Variants in B3GAT2 observed in about 807,000 individuals in gnomAD.
The protein encoded by B3GAT2 is beta-1,3-glucuronyltransferase 2, also known as galactosylgalactosylxylosylprotein 3-beta-glucuronosyltransferase 2.
A neutral mutation model predicts 27.8 loss-of-function variants in B3GAT2; 26 were observed. The ratio of observed to expected loss-of-function variants is 0.93; its 90% CI spans 0.68 to 1.30. The LOEUF (loss-of-function observed/expected upper bound fraction) is 1.30. Ranked by LOEUF, B3GAT2 falls within the 50% of genes most tolerant of loss-of-function variation. The pLI, the probability that B3GAT2 is intolerant of heterozygous loss-of-function variation, is 0.00. For synonymous variants in B3GAT2, 218 were observed against 195.1 expected, an observed-to-expected ratio of 1.12 and a Z score of -0.98; for missense variants, 458 against 459.0, an observed-to-expected ratio of 1.00 and a Z score of 0.02.
rs1771512669 is a variant in B3GAT2 at position 70,858,074 on chromosome 6, A to C, written c.*3589T>G. 1.2e-6 allele frequency: 2 copies of C among 1,613,982 alleles called. No individual in the cohort carries two copies. Among genetic ancestry groups the C allele is most frequent in the African/African-American group, 2.7e-5 (2 of 74,910 alleles). On this transcript the variant is annotated 3_prime_UTR_variant, in exon 4 of 4. Transcript: ENST00000230053. The stretch of plus-strand genomic sequence containing the variant: ...TCCAAGCATGATGGTGGGCATGCCC[A>C]TGCCCAATGGGTTTATGGGAAATGC...
intron 2 of B3GAT2, among the ~76,000 whole-genome samples, chr6:70,868,815 A>T (rs1247018588): frequency 6.6e-6 from 1 of 152,186 alleles, no homozygotes; most frequent in African/African-American, 2.4e-5. Flanking sequence ...TGGAGAAAGA[A>T]AGATATGTGT....
At position 70,858,293 on chromosome 6, in the gene B3GAT2, T is replaced by G. The variant is rs1333980847; in HGVS notation, c.*3370A>C. 8.7e-7 allele frequency: 1 copy of G among 1,152,416 alleles called. No individual in the cohort carries two copies. The highest frequency in any genetic ancestry group is 2.7e-5 in the East Asian group (1 of 37,198). 71.4% of individuals were successfully genotyped at this position (1,152,416 alleles called of 1,614,324 possible). A position where few individuals can be genotyped will look rare whatever the true frequency, so the allele number is the denominator to read the frequency against. On this transcript the variant is annotated 3_prime_UTR_variant, in exon 4 of 4. Coordinates refer to ENST00000230053, the MANE Select transcript of B3GAT2 (RefSeq NM_080742.3). ...CCAGATTTATTTTCTAAATCTTTTT[T>G]TTTTTTTTTTTTTTTTTTTTTTAAG...
At chr6:70,939,455 T>C (rs1488096468) in intron 1 of B3GAT2, among the ~76,000 whole-genome samples, 1 of 151,104 alleles carries the variant, frequency 6.6e-6, no homozygotes, top group Non-Finnish European at 1.5e-5. Context: ...CATGTATGTT[T>C]ATTGCAGCAC....
chr6:70,948,204 C>A (rs1390994522), intron 1 of B3GAT2, among the ~76,000 whole-genome samples: 1 of 145,062 alleles, frequency 6.9e-6, no homozygotes, highest in Non-Finnish European at 1.5e-5. Context: ...CACCCCTATT[C>A]AACATAGTGT....
chr6:70,894,080 C>A, intron 2 of B3GAT2, 48 bp downstream of exon 2: 1 of 1,511,456 alleles, frequency 6.6e-7, no homozygotes, highest in South Asian at 1.4e-5. Context: ...TAAACAAGAG[C>A]ATAAGAACAG....
intron 1 of B3GAT2, among the ~76,000 whole-genome samples, chr6:70,917,606 T>C (rs1211653258): frequency 1.3e-5 from 2 of 152,234 alleles, no homozygotes; most frequent in Admixed American, 6.5e-5. Context: ...ATCTTTGTTC[T>C]TATTGGCTTC....
At chr6:70,931,156 G>A (rs562232458) in intron 1 of B3GAT2, among the ~76,000 whole-genome samples, 5 of 152,082 alleles carry the variant, frequency 3.3e-5, no homozygotes, top group Admixed American at 2.0e-4. Flanking sequence ...GACACATGGT[G>A]GGGAACATCA....
rs552767145 is a variant in B3GAT2 at position 70,877,523 on chromosome 6, G to T, written c.737-15545C>A. Among the ~76,000 whole-genome samples the T allele has an allele frequency of 3.1e-4, 47 of 152,230 alleles. No homozygotes were observed. The South Asian group carries it at 6.0e-3, about 19-fold the overall frequency. On this transcript the variant is annotated intron_variant, in intron 2 of 3. Coordinates refer to ENST00000230053, the MANE Select transcript of B3GAT2 (RefSeq NM_080742.3). ...AACCTGTACGCTCTCCTCTGTACAGGTTTTTCTCCTTCTCACTCCTTCAAA... is the reference window on the plus strand; with the variant it reads ...AACCTGTACGCTCTCCTCTGTACAGTTTTTTCTCCTTCTCACTCCTTCAAA...
Position 70,930,882 on chromosome 6 carries a change from C to T in B3GAT2, c.591+24957G>A, listed in dbSNP as rs111361239. On this transcript the variant is annotated intron_variant, in intron 1 of 3. Transcript: ENST00000230053. ...TCATGCTATTATAAAGACACATGCA[C>T]ACGTATGTTTATTGCGGCACTATTC... 9.3e-3 allele frequency among the ~76,000 whole-genome samples: 1,415 copies of T among 152,294 alleles called. 11 individuals carry two copies. Among genetic ancestry groups the T allele is most frequent in the Middle Eastern group, 0.048 (14 of 294 alleles).
chr6:70,909,923 G>C (rs1162644930), intron 1 of B3GAT2, among the ~76,000 whole-genome samples: 1 of 152,036 alleles, frequency 6.6e-6, no homozygotes, highest in Admixed American at 6.6e-5. Flanking sequence ...GCCCAGGCTG[G>C]AGTGCAGTGG....
At chr6:70,895,108 C>T (rs907642450) in intron 1 of B3GAT2, among the ~76,000 whole-genome samples, 5 of 152,166 alleles carry the variant, frequency 3.3e-5, no homozygotes, top group African/African-American at 9.7e-5. Flanking sequence ...GCAGACACAC[C>T]CCATGCTGGA....
At chr6:70,881,145 C>A (rs1055643688) in intron 2 of B3GAT2, among the ~76,000 whole-genome samples, 4 of 152,166 alleles carry the variant, frequency 2.6e-5, no homozygotes, top group Non-Finnish European at 5.9e-5. Context: ...CACTCCTCTG[C>A]ATTGCAACCC....
In B3GAT2 at chr6:70,925,226, G is replaced by A. The variant is rs73491677; in HGVS notation, c.591+30613C>T. Among the ~76,000 whole-genome samples, 928 of 152,362 alleles carry A rather than the reference G, an allele frequency of 6.1e-3. 18 individuals are homozygous for A. In the East Asian group the frequency reaches 0.085, roughly 14 times the overall value. On this transcript the variant is annotated intron_variant, in intron 1 of 3. Coordinates refer to ENST00000230053, the MANE Select transcript of B3GAT2 (RefSeq NM_080742.3). ...GCTCTAGTCTACAGCTCATGCATCTGCGTGAGTGACGCAGAAGACAGGAGA... is the reference window on the plus strand; with the variant it reads ...GCTCTAGTCTACAGCTCATGCATCTACGTGAGTGACGCAGAAGACAGGAGA...
chr6:70,937,635 G>A (rs1191876988), intron 1 of B3GAT2, among the ~76,000 whole-genome samples: 1 of 151,548 alleles, frequency 6.6e-6, no homozygotes, highest in African/African-American at 2.4e-5. Context: ...CATATAAACA[G>A]AACCAAAGAC....
In B3GAT2 at chr6:70,956,641, G is replaced by A. The variant is rs527470688; in HGVS notation, c.-212C>T. The stretch of plus-strand genomic sequence containing the variant: ...TTCGCGCAAGCTAGAGCGACAAGGG[G>A]TGCAGGCGGGCGGGCAGGGGCTGCC... On this transcript the variant is annotated 5_prime_UTR_variant, in exon 1 of 4. Transcript: ENST00000230053. 496 of 1,416,584 alleles carry A rather than the reference G, an allele frequency of 3.5e-4. No individual in the cohort carries two copies. The highest frequency in any genetic ancestry group is 4.1e-4 in the Non-Finnish European group (449 of 1,091,166). The allele number at this position is 1,416,584 out of a possible 1,614,324, so 87.8% of individuals were successfully genotyped here.
At chr6:70,879,913 A>C (rs901867032) in intron 2 of B3GAT2, among the ~76,000 whole-genome samples, 3 of 152,152 alleles carry the variant, frequency 2.0e-5, no homozygotes, top group African/African-American at 7.2e-5. Context: ...GGGGATGCCC[A>C]ACCATGCAGG....
intron 1 of B3GAT2, among the ~76,000 whole-genome samples, chr6:70,926,606 TGAGAA>T (rs1772964425): frequency 6.6e-6 from 1 of 151,960 alleles, no homozygotes; most frequent in African/African-American, 2.4e-5. Context: ...TGAAATGAAG[TGAGAA>T]GAGAAGTTTA....
chr6:70,903,333 A>G (rs921911864), intron 1 of B3GAT2, among the ~76,000 whole-genome samples: 1 of 152,086 alleles, frequency 6.6e-6, no homozygotes, highest in Non-Finnish European at 1.5e-5. Context: ...CGACATAAAT[A>G]ATAGGAACCT....
chr6:70,944,435 GCGCC>G, intron 1 of B3GAT2, among the ~76,000 whole-genome samples: 1 of 151,680 alleles, frequency 6.6e-6, no homozygotes, highest in East Asian at 1.9e-4. Context: ...CCCACACATG[GCGCC>G]CACGGAGTCT....
Sources: allele counts gnomAD v4.1 joint callset (sites outside exome capture counted in the v4.1 genomes callset), GRCh38; gene constraint gnomAD v4.1.1; transcripts MANE v1.5; gene names NCBI Gene and HGNC (gene_info 2026-07-23, HGNC 2026-07-21).